TEX29: variants seen among roughly 807,000 people sequenced by gnomAD.
TEX29 encodes testis-expressed protein 29.
A neutral mutation model predicts 18.2 loss-of-function variants in TEX29; 26 were observed. The ratio of observed to expected loss-of-function variants is 1.43; its 90% CI spans 1.04 to 1.98. The LOEUF is 1.98. Among genes scored for constraint, TEX29 ranks in the 30% most tolerant of loss-of-function variants. The probability of loss-of-function intolerance (pLI) is 0.00; values close to 1 mark genes in which losing one functional copy is unlikely to be tolerated. For synonymous variants in TEX29, 83 were observed against 78.5 expected (o/e 1.06, Z -0.31); for missense variants, 177 against 194.2 (o/e 0.91, Z 0.53).
intron 2 of TEX29, among the ~76,000 whole-genome samples, chr13:111,322,720 G>A (rs780877586): frequency 3.3e-5 from 5 of 152,210 alleles, no homozygotes; most frequent in African/African-American, 4.8e-5. Flanking sequence ...CTCGTGAACT[G>A]AAGAACGCAT....
chr13:111,316,325 C>T, upstream of TEX29: 1 of 458,314 alleles, frequency 2.2e-6, no homozygotes, highest in South Asian at 1.5e-5. Flanking sequence ...AGGTGTGGGG[C>T]ATGCACACGC....
intron 2 of TEX29, among the ~76,000 whole-genome samples, chr13:111,322,841 G>A (rs1278959720): frequency 6.6e-6 from 1 of 152,180 alleles, no homozygotes; most frequent in East Asian, 1.9e-4. Context: ...GACAAGGTCA[G>A]GGTCTTCCTG....
chr13:111,332,234 G>C (rs192742965), intron 3 of TEX29, among the ~76,000 whole-genome samples: 1 of 152,054 alleles, frequency 6.6e-6, no homozygotes, highest in African/African-American at 2.4e-5. Flanking sequence ...ATATTTTATA[G>C]TTTTCAGTGT....
upstream of TEX29, among the ~76,000 whole-genome samples, chr13:111,316,538 G>A (rs2093654932): frequency 6.6e-6 from 1 of 152,166 alleles, no homozygotes; most frequent in South Asian, 2.1e-4. Context: ...AGACATTGCT[G>A]GAATTCCATG....
upstream of TEX29, among the ~76,000 whole-genome samples, chr13:111,317,714 G>A (rs970397858): frequency 3.3e-5 from 5 of 152,214 alleles, no homozygotes; most frequent in African/African-American, 9.7e-5. Context: ...CTGGCTCTGC[G>A]GCCACAATCT....
intron 4 of TEX29, among the ~76,000 whole-genome samples, chr13:111,341,867 C>T (rs911805932): frequency 7.9e-5 from 12 of 152,226 alleles, no homozygotes; most frequent in Admixed American, 1.3e-4. Flanking sequence ...TTACTGTCCC[C>T]GGACTGGGAT....
upstream of TEX29, among the ~76,000 whole-genome samples, chr13:111,317,312 T>C (rs2093656172): frequency 6.6e-6 from 1 of 152,056 alleles, no homozygotes; most frequent in Non-Finnish European, 1.5e-5. Context: ...TGGCCTGCTG[T>C]CACCCCATGC....
intron 2 of TEX29, among the ~76,000 whole-genome samples, chr13:111,326,065 A>G (rs2093672379): frequency 6.6e-6 from 1 of 152,178 alleles, no homozygotes; most frequent in Non-Finnish European, 1.5e-5. Flanking sequence ...CTGAAGCCAG[A>G]GGTCTCTGTG....
chr13:111,342,965 G>A (rs1399813667), intron 5 of TEX29, 34 bp downstream of exon 5: 8 of 1,606,304 alleles, frequency 5.0e-6, no homozygotes, highest in Non-Finnish European at 6.8e-6. Flanking sequence ...TCAGCCTAAG[G>A]TCAAGGGCGT....
At chr13:111,320,246 G>A (rs550906029), upstream of TEX29, among the ~76,000 whole-genome samples, 8 of 152,294 alleles carry the variant, frequency 5.3e-5, no homozygotes, top group African/African-American at 7.2e-5. Context: ...AGGCAGCTAC[G>A]TCACTCTGTC....
rs1253866020 is a variant in TEX29, at chr13:111,321,040, AG to A, written c.58+97del. 16 of 1,431,714 alleles carry A rather than the reference AG, an allele frequency of 1.1e-5. No homozygotes were observed. The East Asian group carries it at 2.7e-4, about 25-fold the overall frequency. The allele number at this position is 1,431,714 out of a possible 1,614,324, so 88.7% of individuals were successfully genotyped here. A position where few individuals can be genotyped will look rare whatever the true frequency, so the allele number is the denominator to read the frequency against. On this transcript the variant is annotated intron_variant, in intron 2 of 5. Transcript: ENST00000283547. Reference sequence around the variant, plus strand: ...AGCTGTTTGAGCCCCTGGCGCGGACAGGGGGTCCTGGTCCCAGACCTGGCTA... The same window carrying A: ...AGCTGTTTGAGCCCCTGGCGCGGACAGGGGTCCTGGTCCCAGACCTGGCTA...
chr13:111,335,292 A>C (rs1000099377), intron 3 of TEX29, among the ~76,000 whole-genome samples: 3 of 152,048 alleles, frequency 2.0e-5, no homozygotes, highest in African/African-American at 2.4e-5. Flanking sequence ...CCTTCACCTG[A>C]CTCACCTGTC....
intron 2 of TEX29, 47 bp downstream of exon 2, chr13:111,320,995 T>TGGGGGGGGCCAGCTGTG: frequency 6.2e-6 from 2 of 320,862 alleles, no homozygotes; most frequent in Non-Finnish European, 5.8e-6. Context: ...GGGGAGCAGT[T>TGGGGGGGGCCAGCTGTG]GGGGGGGGGC....
At position 111,340,073 on chromosome 13, in the gene TEX29, G is replaced by T; in HGVS notation, c.239+141G>T. ...ACAGCTCTCCGTGAGCCTGGGAAAG[G>T]GAACTGGCCAGGCTCACGGAGGGCC... On this transcript the variant is annotated intron_variant, in intron 4 of 5. Transcript: ENST00000283547. 4.1e-6 allele frequency: 3 copies of T among 736,890 alleles called. No homozygotes were observed. The South Asian group carries it at 4.9e-5, about 12-fold the overall frequency. The allele number at this position is 736,890 out of a possible 1,614,324, so 45.6% of individuals were successfully genotyped here. A position where few individuals can be genotyped will look rare whatever the true frequency, so the allele number is the denominator to read the frequency against.
intron 3 of TEX29, among the ~76,000 whole-genome samples, chr13:111,336,899 A>G (rs2093690332): frequency 1.3e-5 from 2 of 152,240 alleles, no homozygotes; most frequent in Admixed American, 1.3e-4. Context: ...GCACGTAGGA[A>G]GATACGGGAG....
At chr13:111,324,548 G>A (rs2093669653) in intron 2 of TEX29, among the ~76,000 whole-genome samples, 1 of 152,210 alleles carries the variant, frequency 6.6e-6, no homozygotes, top group African/African-American at 2.4e-5. Context: ...AGGACCCGGC[G>A]CTGCCCTGAG....
Position 111,328,303 on chromosome 13 carries a change from C to A in TEX29, c.169+10C>A. 6.2e-7 allele frequency: 1 copy of A among 1,601,966 alleles called. No individual in the cohort carries two copies. Among genetic ancestry groups the A allele is most frequent in the Non-Finnish European group, 8.5e-7 (1 of 1,170,136 alleles). ...AAGAAAGCGGTTCCCAGTGAGTAGA[C>A]GCCCCGGCCACCCCGTGGCGGAAGC... On this transcript the variant is annotated intron_variant, in intron 3 of 5. Transcript: ENST00000283547.
intron 2 of TEX29, among the ~76,000 whole-genome samples, chr13:111,327,570 C>G (rs991901625): frequency 6.6e-6 from 1 of 152,154 alleles, no homozygotes; most frequent in African/African-American, 2.4e-5. Flanking sequence ...GGCCCATGGC[C>G]GATCAAGGCA....
At chr13:111,327,146 C>T (rs913566144) in intron 2 of TEX29, among the ~76,000 whole-genome samples, 3 of 152,232 alleles carry the variant, frequency 2.0e-5, no homozygotes, top group Non-Finnish European at 2.9e-5. Context: ...TGGCAGCAGC[C>T]GGTGACTTCA....
Sources: gnomAD v4.1 joint callset for allele counts (sites outside exome capture counted in the v4.1 genomes callset) on GRCh38, gnomAD v4.1.1 for gene constraint, MANE v1.5 for transcripts, NCBI Gene and HGNC (gene_info 2026-07-23, HGNC 2026-07-21) for gene names.